The following GSN variants were observed in gnomAD, a reference collection of about 807,000 sequenced individuals.
GSN encodes gelsolin.
In GSN, 56 loss-of-function variants were observed where a neutral mutation model predicts 85.7. The observed-to-expected ratio is 0.65, with a 90% CI of 0.53 to 0.82. The LOEUF is 0.82. GSN is among the 40% of genes least tolerant of loss of function. The pLI is 0.00. For missense variants in GSN, 857 were observed against 979.8 expected, an observed-to-expected ratio of 0.87 and a Z score of 1.67; for synonymous variants, 373 against 399.1, an observed-to-expected ratio of 0.93 and a Z score of 0.78.
At chr9:121,326,804 C>G in intron 13 of GSN, 122 bp downstream of exon 13, 1 of 944,954 alleles carries the variant, frequency 1.1e-6, no homozygotes, top group South Asian at 1.3e-5. Context: ...TAAGAAGCAG[C>G]TTTTTGTATT....
chr9:121,258,275 C>T (rs998535431), intron 6 of GSN, among the ~76,000 whole-genome samples: 3 of 152,120 alleles, frequency 2.0e-5, no homozygotes, highest in African/African-American at 4.8e-5. Context: ...CCATCCTGGC[C>T]AACGTGGTGA....
intron 6 of GSN, among the ~76,000 whole-genome samples, chr9:121,249,405 A>C (rs2054770348): frequency 6.6e-6 from 1 of 152,108 alleles, no homozygotes; most frequent in East Asian, 1.9e-4. Flanking sequence ...TGAGCCTGGG[A>C]GGTGGAGGCT....
Position 121,299,811 on chromosome 9 carries a change from G to A in GSN, c.-9-2152G>A. 1 of 1,292,620 alleles carries A rather than the reference G, an allele frequency of 7.7e-7. No homozygotes were observed. 80.1% of individuals were successfully genotyped at this position (1,292,620 alleles called of 1,614,324 possible). Reference sequence around the variant, plus strand: ...GATGGGCGGGCGGCTACTTAAGGTCGGCGACCCGAGGCCGCGGCTGCCGAC... The same window carrying A: ...GATGGGCGGGCGGCTACTTAAGGTCAGCGACCCGAGGCCGCGGCTGCCGAC... On this transcript the variant is annotated intron_variant, in intron 2 of 17. Coordinates refer to ENST00000432226, the MANE Select transcript of GSN (RefSeq NM_198252.3). This position sits in a 1 kb window ranked among gnomAD's most constrained non-coding sequence, Gnocchi z 4.2.
rs1306412852 is a variant in GSN, at chr9:121,261,851, C to CT, written c.-340-3300dup. ...GAATTCATTTAATTTCCCCATAATT[C>CT]TTTGAGTGGATATTATCATCAGAGG... On this transcript the variant is annotated intron_variant, in intron 6 of 24. Coordinates refer to the GSN transcript ENST00000373823. The surrounding 1 kb of genome is among the most constrained non-coding windows in gnomAD (Gnocchi z 4.1). 9.2e-5 allele frequency among the ~76,000 whole-genome samples: 14 copies of CT among 152,000 alleles called. No individual in the cohort carries two copies. The highest frequency in any genetic ancestry group is 3.4e-4 in the African/African-American group (14 of 41,396).
intron 12 of GSN, 130 bp downstream of exon 12, chr9:121,324,774 CAT>C: frequency 1.5e-6 from 1 of 675,160 alleles, no homozygotes; most frequent in African/African-American, 1.8e-5. Context: ...TCCATCCATC[CAT>C]CCATCCATCC....
rs1330801446 is a variant in GSN at position 121,281,537 on chromosome 9, C to T, written c.-35C>T. ...CCCAGCGCCTTCCCACGGAGCAGCACTCTTCACCCTGCACAGCCTTGTTAG... is the reference window on the plus strand; with the variant it reads ...CCCAGCGCCTTCCCACGGAGCAGCATTCTTCACCCTGCACAGCCTTGTTAG... On this transcript the variant is annotated 5_prime_UTR_variant, in exon 2 of 18. Coordinates refer to ENST00000432226, the MANE Select transcript of GSN (RefSeq NM_198252.3). 2 of 443,052 alleles carry T rather than the reference C, an allele frequency of 4.5e-6. No individual in the cohort carries two copies. Among genetic ancestry groups the T allele is most frequent in the South Asian group, 1.7e-5 (1 of 59,078 alleles). 27.4% of individuals were successfully genotyped at this position (443,052 alleles called of 1,614,324 possible).
Position 121,254,001 on chromosome 9 carries a change from G to A in GSN, c.-341+5678G>A, listed in dbSNP as rs535619670. On this transcript the variant is annotated intron_variant, in intron 6 of 24. Transcript: ENST00000373823. Reference sequence around the variant, plus strand: ...GAAAATTCTTCTTTCTCCTTTTTTGGCTTCCTCAATAGTACTTCCTTCTTT... The same window carrying A: ...GAAAATTCTTCTTTCTCCTTTTTTGACTTCCTCAATAGTACTTCCTTCTTT... Among the ~76,000 whole-genome samples the A allele has an allele frequency of 2.4e-4, 37 of 151,476 alleles. 1 individual carries two copies. Among genetic ancestry groups the A allele is most frequent in the Non-Finnish European group, 1.9e-4 (13 of 67,876 alleles).
chr9:121,236,589 C>CA (rs751056118), intron 5 of GSN, among the ~76,000 whole-genome samples: 5 of 151,906 alleles, frequency 3.3e-5, no homozygotes, highest in Admixed American at 1.3e-4. Flanking sequence ...TACCCTACAC[C>CA]CTAAGAGAAA....
Position 121,282,497 on chromosome 9 carries a change from G to C in GSN, c.-10+935G>C. 7.9e-6 allele frequency: 10 copies of C among 1,257,924 alleles called. No homozygotes were observed. In the South Asian group the frequency reaches 3.5e-4, roughly 43 times the overall value. 77.9% of individuals were successfully genotyped at this position (1,257,924 alleles called of 1,614,324 possible). A position where few individuals can be genotyped will look rare whatever the true frequency, so the allele number is the denominator to read the frequency against. On this transcript the variant is annotated intron_variant, in intron 2 of 17. Transcript: ENST00000432226. ...TCTGCTGTGGCCCAGCTGGCTTCCA[G>C]ATGGTGACATGAGCCACCCACAGCC...
intron 5 of GSN, among the ~76,000 whole-genome samples, chr9:121,245,476 C>G (rs2054681391): frequency 1.3e-5 from 2 of 152,202 alleles, no homozygotes; most frequent in African/African-American, 4.8e-5. Context: ...CATGCCTCAG[C>G]CCCTCTAGTA....
chr9:121,292,756 T>G (rs539239180), intron 2 of GSN, among the ~76,000 whole-genome samples: 1 of 152,302 alleles, frequency 6.6e-6, no homozygotes, highest in East Asian at 1.9e-4. Flanking sequence ...GTTGGTCATT[T>G]TTGGTATCTC....
intron 14 of GSN, 89 bp from the exon 15 acceptor site, chr9:121,328,802 C>G: frequency 7.1e-7 from 1 of 1,405,760 alleles, no homozygotes; most frequent in East Asian, 2.3e-5. Flanking sequence ...CAGTTGGTTG[C>G]GCTTGGGCAG....
intron 4 of GSN, among the ~76,000 whole-genome samples, chr9:121,216,034 T>C (rs1275347348): frequency 1.3e-5 from 2 of 152,212 alleles, no homozygotes; most frequent in Non-Finnish European, 2.9e-5. Flanking sequence ...TTCAGCTCAC[T>C]GTAGCCTCTG....
intron 4 of GSN, among the ~76,000 whole-genome samples, chr9:121,227,259 T>A (rs1588434782): frequency 6.6e-6 from 1 of 152,138 alleles, no homozygotes; most frequent in Non-Finnish European, 1.5e-5. Context: ...CTAGGCGTGG[T>A]GGTGCGTGCC....
intron 11 of GSN, among the ~76,000 whole-genome samples, chr9:121,323,872 TA>T (rs200256725): frequency 2.6e-5 from 4 of 152,232 alleles, no homozygotes; most frequent in African/African-American, 4.8e-5. Flanking sequence ...AAAAACAGCT[TA>T]ATTTTTTTTT....
intron 2 of GSN, among the ~76,000 whole-genome samples, chr9:121,209,778 T>C (rs763893846): frequency 1.3e-5 from 2 of 152,252 alleles, no homozygotes; most frequent in Admixed American, 6.5e-5. Flanking sequence ...ACATAGCTCC[T>C]GAAAGCAGTT....
chr9:121,233,462 C>CTAAATAAA lies in GSN; in HGVS notation c.-389+2178_-389+2185dup, dbSNP rs10695273. 1.9e-4 allele frequency among the ~76,000 whole-genome samples: 29 copies of CTAAATAAA among 151,714 alleles called. No homozygotes were observed. The East Asian group carries it at 3.9e-3, about 20-fold the overall frequency. On this transcript the variant is annotated intron_variant, in intron 5 of 24. Transcript: ENST00000373823. The stretch of plus-strand genomic sequence containing the variant: ...CCTGGGTGACAGAGCGAGACTCCAT[C>CTAAATAAA]TAAATAAATAAATAAATAAATAAAT...
chr9:121,229,133 A>C (rs2132145279), intron 4 of GSN, among the ~76,000 whole-genome samples: 1 of 152,236 alleles, frequency 6.6e-6, no homozygotes, highest in South Asian at 2.1e-4. Flanking sequence ...GAGAGCACAT[A>C]ATTCTCATAA....
chr9:121,332,798 T>G lies in GSN; in HGVS notation c.*195T>G. The G allele has an allele frequency of 1.7e-6, 1 of 589,700 alleles. No individual in the cohort carries two copies. The highest frequency in any genetic ancestry group is 2.1e-5 in the South Asian group (1 of 47,788). 36.5% of individuals were successfully genotyped at this position (589,700 alleles called of 1,614,324 possible). On this transcript the variant is annotated 3_prime_UTR_variant, in exon 18 of 18. Coordinates refer to ENST00000432226, the MANE Select transcript of GSN (RefSeq NM_198252.3). The surrounding 1 kb of genome is among the most constrained non-coding windows in gnomAD (Gnocchi z 4.8). Reference sequence around the variant, plus strand: ...AGTCCTTGCAAAATTGTCTAAAATGTCAGTGTTTGGGAAATTAAATCCAAT... The same window carrying G: ...AGTCCTTGCAAAATTGTCTAAAATGGCAGTGTTTGGGAAATTAAATCCAAT...
Sources: gnomAD v4.1 joint callset for allele counts (sites outside exome capture counted in the v4.1 genomes callset) on GRCh38, gnomAD v4.1.1 for gene constraint, Gnocchi (gnomAD v3.1) non-coding constraint, MANE v1.5 for transcripts, NCBI Gene and HGNC (gene_info 2026-07-23, HGNC 2026-07-21) for gene names.